The following TCTN1 variants were observed in gnomAD, a reference collection of about 807,000 sequenced individuals.
TCTN1 encodes tectonic-1.
A neutral mutation model predicts 65.8 loss-of-function variants in TCTN1; 58 were observed. The ratio of observed to expected loss-of-function variants is 0.88; its 90% CI spans 0.71 to 1.10. TCTN1 has a LOEUF of 1.10. Ranked by LOEUF, TCTN1 falls within the 50% of genes least tolerant of loss-of-function variation. TCTN1 has a pLI of 0.00. For missense variants in TCTN1, 645 were observed against 719.4 expected (o/e 0.90, Z 1.18); for synonymous variants, 273 against 289.1 (o/e 0.94, Z 0.57).
intron 6 of TCTN1, among the ~76,000 whole-genome samples, chr12:110,635,465 A>T (rs2066503916): frequency 6.6e-6 from 1 of 151,768 alleles, no homozygotes; most frequent in African/African-American, 2.4e-5. Flanking sequence ...AAATAATAAA[A>T]AAAAACCTTT....
At chr12:110,618,924 A>G (rs2065232807) in intron 1 of TCTN1, among the ~76,000 whole-genome samples, 1 of 151,594 alleles carries the variant, frequency 6.6e-6, no homozygotes, top group Non-Finnish European at 1.5e-5. Context: ...TAATCCCAGC[A>G]CTTTGGGTGG....
At chr12:110,616,097 T>G (rs1196873534) in intron 1 of TCTN1, among the ~76,000 whole-genome samples, 2 of 152,078 alleles carry the variant, frequency 1.3e-5, no homozygotes, top group African/African-American at 4.8e-5. Flanking sequence ...AACTCTAAAG[T>G]TTTTGGACTG....
intron 2 of TCTN1, among the ~76,000 whole-genome samples, chr12:110,623,826 T>A (rs889482237): frequency 1.3e-5 from 2 of 151,900 alleles, no homozygotes. Flanking sequence ...TGGCCTCAAG[T>A]GATCCTCCCC....
rs1329235793 is a variant in TCTN1 at position 110,632,487 on chromosome 12, C to A, written c.640C>A (p.Gln214Lys). ...AAKYEYGVPL[Q>K]TSDSFLRFPS... ...GTGTTTGCAGTATGGGGTTCCTCTG[C>A]AGACTTCAGATTCGTTTCTGAGATT... Residue 214 changes from glutamine to lysine, a missense_variant, in exon 5 of 15, where the codon CAG becomes AAG. Gln to Lys is a moderately conservative substitution (Grantham distance 53). Coordinates refer to ENST00000397659, the MANE Select transcript of TCTN1 (RefSeq NM_001082538.3). The A allele has an allele frequency of 6.2e-7, 1 of 1,613,978 alleles. No homozygotes were observed. The highest frequency in any genetic ancestry group is 1.7e-5 in the Admixed American group (1 of 60,012).
At position 110,642,367 on chromosome 12, in the gene TCTN1, A is replaced by G. The variant is rs777277575; in HGVS notation, c.1309A>G (p.Met437Val). 1.9e-6 allele frequency: 3 copies of G among 1,614,182 alleles called. No individual in the cohort carries two copies. Among genetic ancestry groups the G allele is most frequent in the African/African-American group, 1.3e-5 (1 of 75,032 alleles). The change falls in exon 11 of 15, where the codon ATG becomes GTG. Residue 437 changes from methionine to valine, a missense_variant. Coordinates refer to ENST00000397659, the MANE Select transcript of TCTN1 (RefSeq NM_001082538.3). ...VRTPVLFGYTMQSGCKLRLTG... is the reference protein window; with the variant it reads ...VRTPVLFGYTVQSGCKLRLTG... ...GACCCCAGTATTATTTGGTTACACT[A>G]TGCAATCTGGCTGTAAACTAAGGTA... is the stretch of plus-strand genomic sequence containing the variant.
intron 3 of TCTN1, among the ~76,000 whole-genome samples, chr12:110,626,839 C>T (rs1441777651): frequency 6.2e-5 from 9 of 144,104 alleles, no homozygotes; most frequent in Admixed American, 1.4e-4. Context: ...GGCTCAATCT[C>T]GGCTCATCAC....
intron 6 of TCTN1, 56 bp downstream of exon 6, chr12:110,634,835 C>G (rs750232713): frequency 8.2e-5 from 112 of 1,358,842 alleles, no homozygotes; most frequent in South Asian, 2.1e-4. Context: ...GTTCTTTCTG[C>G]GCTTTTAAAA....
chr12:110,615,089 AAG>A (rs946811142), intron 1 of TCTN1, among the ~76,000 whole-genome samples: 1 of 152,188 alleles, frequency 6.6e-6, no homozygotes, highest in African/African-American at 2.4e-5. Context: ...GTAGGAGTTC[AAG>A]ATCAGTCTGG....
intron 3 of TCTN1, 24 bp downstream of exon 3, chr12:110,626,516 T>C: frequency 6.2e-7 from 1 of 1,605,582 alleles, no homozygotes; most frequent in Middle Eastern, 1.7e-4. Context: ...ATTGATATAT[T>C]TTGTGAAGCT....
chr12:110,617,018 T>C (rs1055146700), intron 1 of TCTN1: 2 of 152,230 alleles, frequency 1.3e-5, no homozygotes, highest in Non-Finnish European at 2.9e-5. Flanking sequence ...AGAAACCTTT[T>C]TCCTAAGTGG....
intron 5 of TCTN1, among the ~76,000 whole-genome samples, chr12:110,633,159 C>T (rs2066340037): frequency 6.6e-6 from 1 of 152,158 alleles, no homozygotes; most frequent in African/African-American, 2.4e-5. Flanking sequence ...CATTCAGGAG[C>T]CTCCAAGAGT....
At position 110,642,052 on chromosome 12, in the gene TCTN1, T is replaced by C. The variant is rs533745211; in HGVS notation, c.1191-197T>C. Reference sequence around the variant, plus strand: ...ATTTCAAAGGGCCAGTTTCTGAGAATTTTTCTTCTGAGAATCCATTTATTA... The same window carrying C: ...ATTTCAAAGGGCCAGTTTCTGAGAACTTTTCTTCTGAGAATCCATTTATTA... On this transcript the variant is annotated intron_variant, in intron 10 of 14. Transcript: ENST00000397659. 12 of 656,758 alleles carry C rather than the reference T, an allele frequency of 1.8e-5. No individual in the cohort carries two copies. In the South Asian group the frequency reaches 2.1e-4, roughly 12 times the overall value. 40.7% of individuals were successfully genotyped at this position (656,758 alleles called of 1,614,324 possible). A position where few individuals can be genotyped will look rare whatever the true frequency, so the allele number is the denominator to read the frequency against.
At chr12:110,641,723 G>T (rs1280076399) in intron 10 of TCTN1, 96 bp downstream of exon 10, 5 of 1,304,070 alleles carry the variant, frequency 3.8e-6, no homozygotes, top group Non-Finnish European at 5.5e-6. Context: ...TGGGCTGCTT[G>T]TGGGAAGGAG....
At position 110,641,161 on chromosome 12, in the gene TCTN1, C is replaced by A; in HGVS notation, c.1104+12C>A. 3.1e-6 allele frequency: 5 copies of A among 1,614,096 alleles called. No homozygotes were observed. The highest frequency in any genetic ancestry group is 4.2e-6 in the Non-Finnish European group (5 of 1,180,026). ...TTCATTTTCTTCAGGTAAGGTTGAT[C>A]AATTTGGCATAAGTATTTAATTGCC... On this transcript the variant is annotated intron_variant, in intron 9 of 14. Transcript: ENST00000397659.
chr12:110,627,754 TTTTTATC>T (rs1047326423), intron 3 of TCTN1: 3 of 463,608 alleles, frequency 6.5e-6, no homozygotes, highest in African/African-American at 5.9e-5. Flanking sequence ...AGGATCTTTA[TTTTTATC>T]TGAGCATTTA....
chr12:110,632,726 A>G (rs1042097552), intron 5 of TCTN1, 167 bp downstream of exon 5: 1 of 676,408 alleles, frequency 1.5e-6, no homozygotes, highest in African/African-American at 1.8e-5. Flanking sequence ...CAGGCCTCGT[A>G]ACTAAAAACA....
rs73419336 is a variant in TCTN1 at position 110,644,932 on chromosome 12, G to C, written c.1332-35G>C. 4.9e-4 allele frequency: 789 copies of C among 1,613,808 alleles called. 4 individuals are homozygous for C. The African/African-American group carries it at 9.0e-3, about 19-fold the overall frequency. Reference sequence around the variant, plus strand: ...AAAAACTGCTGGTGGATGAACAACAGCCTCATTCAGTTGACTTCTTTTTCC... The same window carrying C: ...AAAAACTGCTGGTGGATGAACAACACCCTCATTCAGTTGACTTCTTTTTCC... On this transcript the variant is annotated intron_variant, in intron 11 of 14. Coordinates refer to ENST00000397659, the MANE Select transcript of TCTN1 (RefSeq NM_001082538.3). The surrounding 1 kb of genome is among the most constrained non-coding windows in gnomAD (Gnocchi z 4.6).
In TCTN1 at chr12:110,626,588, T is replaced by C. The variant is rs148873828; in HGVS notation, c.472+96T>C. The C allele has an allele frequency of 9.0e-3, 12,030 of 1,342,226 alleles. 56 individuals carry two copies. The highest frequency in any genetic ancestry group is 0.01 in the Non-Finnish European group (9,977 of 982,180). 83.1% of individuals were successfully genotyped at this position (1,342,226 alleles called of 1,614,324 possible). A position where few individuals can be genotyped will look rare whatever the true frequency, so the allele number is the denominator to read the frequency against. ...CAGATTTATTTTATAATTATGATTA[T>C]GGTTTTTTTGAGACAGAGTCTTGCT... On this transcript the variant is annotated intron_variant, in intron 3 of 14. Transcript: ENST00000397659.
chr12:110,628,310 A>G lies in TCTN1; in HGVS notation c.473-457A>G, dbSNP rs1055676796. 34 of 1,393,776 alleles carry G rather than the reference A, an allele frequency of 2.4e-5. No individual in the cohort carries two copies. In the African/African-American group the frequency reaches 4.5e-4, roughly 19 times the overall value. 86.3% of individuals were successfully genotyped at this position (1,393,776 alleles called of 1,614,324 possible). On this transcript the variant is annotated intron_variant, in intron 3 of 14. Transcript: ENST00000397659. ...CTGTTTGTTTAATAAGCTTTAAAAA[A>G]TCCTGGGAGAAGTGAATATGGAAAA... is the stretch of plus-strand genomic sequence containing the variant.
Sources: gnomAD v4.1 joint callset for allele counts (sites outside exome capture counted in the v4.1 genomes callset) on GRCh38, gnomAD v4.1.1 for gene constraint, Gnocchi (gnomAD v3.1) non-coding constraint, MANE v1.5 for transcripts, NCBI Gene and HGNC (gene_info 2026-07-23, HGNC 2026-07-21) for gene names.